NEXMIF: variants seen among roughly 807,000 people sequenced by gnomAD.
The protein encoded by NEXMIF is neurite extension and migration factor.
NEXMIF carries 8 observed loss-of-function variants against 62.1 expected under a neutral mutation model. The observed-to-expected ratio is 0.13, with a 90% CI of 0.08 to 0.23. The LOEUF is 0.23. Ranked by LOEUF, NEXMIF falls within the 10% of genes least tolerant of loss-of-function variation. The pLI is 1.00. For synonymous variants in NEXMIF, 404 were observed against 416.6 expected (o/e 0.97, Z 0.37); for missense variants, 976 against 1,113.3 (o/e 0.88, Z 1.75).
intron 1 of NEXMIF, among the ~76,000 whole-genome samples, chrX:74,887,855 A>T (rs753231149): frequency 8.9e-6 from 1 of 112,178 alleles, no homozygotes; most frequent in East Asian, 2.8e-4. Flanking sequence ...ACATATGTTT[A>T]TTGCGGCACT....
Position 74,734,953 on chromosome X carries a change from T to C in NEXMIF, c.*4452A>G, listed in dbSNP as rs2080081374. On this transcript the variant is annotated 3_prime_UTR_variant, in exon 4 of 4. Transcript: ENST00000055682. ...CCAACTAAAATTTTTTTCTCCCTTA[T>C]TTGGGTCTTTGAGAAACCTTTACAA... is the stretch of plus-strand genomic sequence containing the variant. 8.9e-6 allele frequency: 1 copy of C among 112,110 alleles called. No individual in the cohort carries two copies. Among genetic ancestry groups the C allele is most frequent in the South Asian group, 3.8e-4 (1 of 2,666 alleles). The allele number at this position is 112,110 out of a possible 1,213,427, so 9.2% of individuals were successfully genotyped here. A position where few individuals can be genotyped will look rare whatever the true frequency, so the allele number is the denominator to read the frequency against.
intron 1 of NEXMIF, among the ~76,000 whole-genome samples, chrX:74,792,035 C>G (rs1449493104): frequency 1.8e-5 from 2 of 108,457 alleles, no homozygotes; most frequent in Admixed American, 2.0e-4. Flanking sequence ...TGTGTTTGCT[C>G]TTGCTTTTCT....
intron 1 of NEXMIF, among the ~76,000 whole-genome samples, chrX:74,814,928 C>T (rs2080371300): frequency 8.9e-6 from 1 of 111,735 alleles, no homozygotes; most frequent in Non-Finnish European, 1.9e-5. Flanking sequence ...ACAGACCCCC[C>T]AGAGGGCACA....
chrX:74,916,014 A>C (rs766729644), intron 1 of NEXMIF, among the ~76,000 whole-genome samples: 13 of 112,179 alleles, frequency 1.2e-4, no homozygotes, highest in Non-Finnish European at 2.1e-4. Context: ...AAAACTGCTA[A>C]AGCTACCAAA....
At chrX:74,876,928 G>C (rs1210174542) in intron 1 of NEXMIF, among the ~76,000 whole-genome samples, 20 of 111,255 alleles carry the variant, frequency 1.8e-4, no homozygotes. Flanking sequence ...ACACTGATGG[G>C]TCTTGACTCT....
chrX:74,804,792 G>A (rs2080339990), intron 1 of NEXMIF, among the ~76,000 whole-genome samples: 1 of 111,632 alleles, frequency 9.0e-6, no homozygotes, highest in Non-Finnish European at 1.9e-5. Context: ...CTGGCTCTGC[G>A]CCCAGTTCTG....
At chrX:74,793,471 G>A (rs946663265) in intron 1 of NEXMIF, among the ~76,000 whole-genome samples, 10 of 110,223 alleles carry the variant, frequency 9.1e-5, no homozygotes, top group East Asian at 2.9e-4. Flanking sequence ...TGCTCTTCTC[G>A]AGGAGTATCT....
intron 1 of NEXMIF, among the ~76,000 whole-genome samples, chrX:74,774,068 A>T (rs1384184777): frequency 9.0e-6 from 1 of 110,765 alleles, no homozygotes; most frequent in Non-Finnish European, 1.9e-5. Flanking sequence ...CTTATCTATG[A>T]ACAGCTTTTT....
intron 1 of NEXMIF, among the ~76,000 whole-genome samples, chrX:74,792,931 T>C (rs370385709): frequency 2.3e-4 from 25 of 106,560 alleles, no homozygotes; most frequent in African/African-American, 8.6e-4. Context: ...CTTTATCCAA[T>C]TTGCCAGTCT....
intron 1 of NEXMIF, among the ~76,000 whole-genome samples, chrX:74,780,506 C>A (rs1245723745): frequency 9.2e-6 from 1 of 108,637 alleles, no homozygotes; most frequent in Non-Finnish European, 1.9e-5. Context: ...CCTCCCGGGA[C>A]TACAGGCGTG....
rs2080078797 is a variant in NEXMIF, at chrX:74,733,819, C to G, written c.*5586G>C. On this transcript the variant is annotated 3_prime_UTR_variant, in exon 4 of 4. Transcript: ENST00000055682. ...CAACATGTTTTGTGTTACAAAATTT[C>G]CAACAAAAGTGTATTTTTTTTCTTT... 1.8e-5 allele frequency: 2 copies of G among 112,296 alleles called. No homozygotes were observed. Among genetic ancestry groups the G allele is most frequent in the South Asian group, 7.3e-4 (2 of 2,728 alleles). The allele number at this position is 112,296 out of a possible 1,213,427, so 9.3% of individuals were successfully genotyped here.
At chrX:74,904,509 T>G (rs1240827210) in intron 1 of NEXMIF, among the ~76,000 whole-genome samples, 1 of 111,541 alleles carries the variant, frequency 9.0e-6, no homozygotes, top group South Asian at 3.7e-4. Flanking sequence ...CATTATAAAG[T>G]TAAGTGGAAA....
intron 1 of NEXMIF, among the ~76,000 whole-genome samples, chrX:74,794,290 G>T (rs1488706144): frequency 9.4e-6 from 1 of 106,310 alleles, no homozygotes; most frequent in Non-Finnish European, 1.9e-5. Context: ...GGCTGCTCGG[G>T]GGTCAGGGGT....
chrX:74,755,846 C>T (rs1266468979), intron 1 of NEXMIF, among the ~76,000 whole-genome samples: 2 of 111,882 alleles, frequency 1.8e-5, no homozygotes, highest in Non-Finnish European at 3.8e-5. Flanking sequence ...ACTCAGGCAT[C>T]CTCCATCAGT....
intron 1 of NEXMIF, among the ~76,000 whole-genome samples, chrX:74,869,332 A>G (rs893612164): frequency 1.8e-5 from 2 of 111,777 alleles, no homozygotes; most frequent in African/African-American, 6.5e-5. Flanking sequence ...TCAAAATAAT[A>G]AAAGCCATCT....
At chrX:74,924,760 T>C (rs1171978234) in intron 1 of NEXMIF, 123 bp downstream of exon 1, 1 of 113,927 alleles carries the variant, frequency 8.8e-6, no homozygotes, top group Non-Finnish European at 1.9e-5. Flanking sequence ...CCGTTCCGTT[T>C]TCCCTTCCTT....
intron 1 of NEXMIF, among the ~76,000 whole-genome samples, chrX:74,817,042 G>A (rs1458811673): frequency 9.0e-6 from 1 of 111,368 alleles, no homozygotes; most frequent in Non-Finnish European, 1.9e-5. Context: ...TTTTGTCTTC[G>A]TTTGCACTAT....
intron 1 of NEXMIF, among the ~76,000 whole-genome samples, chrX:74,852,358 T>C (rs2080518226): frequency 9.0e-6 from 1 of 111,232 alleles, no homozygotes; most frequent in East Asian, 2.8e-4. Context: ...TAGACTCCAA[T>C]ACAATAATAG....
At chrX:74,893,128 G>C (rs947967174) in intron 1 of NEXMIF, among the ~76,000 whole-genome samples, 45 of 112,126 alleles carry the variant, frequency 4.0e-4, no homozygotes, top group African/African-American at 1.5e-3. Flanking sequence ...TCTTCCAGTA[G>C]AATCAGAAAA....
Sources: gnomAD v4.1 joint callset for allele counts (sites outside exome capture counted in the v4.1 genomes callset) on GRCh38, gnomAD v4.1.1 for gene constraint, MANE v1.5 for transcripts, NCBI Gene and HGNC (gene_info 2026-07-23, HGNC 2026-07-21) for gene names.